Variants in LARP1B observed in about 807,000 individuals in gnomAD.
LARP1B encodes the protein La ribonucleoprotein 1B, also known as la-related protein 1B.
LARP1B carries 76 observed loss-of-function variants against 114.2 expected under a neutral mutation model. The observed-to-expected ratio is 0.67, with a 90% confidence interval of 0.55 to 0.81. The LOEUF is 0.81. LARP1B is among the 30% of genes least tolerant of loss of function. LARP1B has a pLI of 0.00. For missense variants in LARP1B, 1,014 were observed against 1,075.8 expected (o/e 0.94, Z 0.80); for synonymous variants, 345 against 348.0 (o/e 0.99, Z 0.10).
chr4:128,095,835 CTG>C (rs955208562), intron 7 of LARP1B, among the ~76,000 whole-genome samples: 1 of 152,002 alleles, frequency 6.6e-6, no homozygotes, highest in Non-Finnish European at 1.5e-5. Flanking sequence ...AAAACTTTCT[CTG>C]TGATTTGGAA....
chr4:128,108,477 A>T, intron 9 of LARP1B: 1 of 985,744 alleles, frequency 1.0e-6, no homozygotes, highest in Non-Finnish European at 1.2e-6. Flanking sequence ...TTACTCTTCA[A>T]AATGTATTTT....
chr4:128,080,272 C>G (rs926187825), intron 4 of LARP1B, among the ~76,000 whole-genome samples: 2 of 152,132 alleles, frequency 1.3e-5, no homozygotes, highest in African/African-American at 4.8e-5. Flanking sequence ...CGTGAGCCAC[C>G]ACGCCTGGCA....
At chr4:128,179,832 GA>G (rs1376355449) in intron 15 of LARP1B, among the ~76,000 whole-genome samples, 3 of 152,010 alleles carry the variant, frequency 2.0e-5, no homozygotes, top group Admixed American at 6.6e-5. Context: ...GTTCTTAGTA[GA>G]TATTTATTGA....
intron 11 of LARP1B, among the ~76,000 whole-genome samples, chr4:128,131,898 A>G (rs1012409824): frequency 6.6e-6 from 1 of 152,236 alleles, no homozygotes; most frequent in East Asian, 1.9e-4. Context: ...AATAAAGAAG[A>G]CAGATATACT....
chr4:128,135,216 A>C (rs1792972292), intron 11 of LARP1B, among the ~76,000 whole-genome samples: 1 of 152,152 alleles, frequency 6.6e-6, no homozygotes, highest in Non-Finnish European at 1.5e-5. Flanking sequence ...AAAAAATCAG[A>C]GGATTATCAC....
chr4:128,127,734 G>A (rs1179054432), intron 11 of LARP1B, among the ~76,000 whole-genome samples: 3 of 152,198 alleles, frequency 2.0e-5, no homozygotes, highest in African/African-American at 7.2e-5. Context: ...TTGGGAGGCT[G>A]AGGCAGGGGA....
intron 7 of LARP1B, 43 bp downstream of exon 7, chr4:128,091,555 G>C: frequency 6.9e-7 from 1 of 1,453,384 alleles, no homozygotes; most frequent in Non-Finnish European, 9.3e-7. Flanking sequence ...AGCAAAATCT[G>C]TTGCAATATG....
At position 128,081,077 on chromosome 4, in the gene LARP1B, CT is replaced by C. The variant is rs4000703; in HGVS notation, c.218-1070del. On this transcript the variant is annotated intron_variant, in intron 4 of 19. Coordinates refer to ENST00000326639, the MANE Select transcript of LARP1B (RefSeq NM_018078.4). ...TAAACAGGAATGTTATGTATATATA[CT>C]TTTTTTTTTTTTTTTTTGAGACAGA... is the stretch of plus-strand genomic sequence containing the variant. 3.5e-3 allele frequency among the ~76,000 whole-genome samples: 445 copies of C among 127,904 alleles called. 4 individuals are homozygous for C. The highest frequency in any genetic ancestry group is 6.5e-3 in the South Asian group (26 of 4,004). The allele number at this position is 127,904 out of a possible 152,430, so 83.9% of individuals were successfully genotyped here.
intron 9 of LARP1B, among the ~76,000 whole-genome samples, chr4:128,110,381 C>G (rs1012982156): frequency 6.6e-6 from 1 of 150,742 alleles, no homozygotes; most frequent in Admixed American, 6.6e-5. Flanking sequence ...ACCCTTAATC[C>G]GTTCAGATGT....
At chr4:128,121,463 C>T (rs1339952351) in intron 10 of LARP1B, among the ~76,000 whole-genome samples, 1 of 152,230 alleles carries the variant, frequency 6.6e-6, no homozygotes, top group Non-Finnish European at 1.5e-5. Flanking sequence ...GGGAATACAG[C>T]AATCCACAAC....
intron 11 of LARP1B, among the ~76,000 whole-genome samples, chr4:128,147,030 C>T (rs1224521293): frequency 1.3e-5 from 2 of 152,200 alleles, no homozygotes; most frequent in East Asian, 3.8e-4. Context: ...CATTGGTTCA[C>T]TCATTCATTC....
rs911582315 is a variant in LARP1B at position 128,211,323 on chromosome 4, T to G, written c.*1270T>G. 37 of 970,462 alleles carry G rather than the reference T, an allele frequency of 3.8e-5. No individual in the cohort carries two copies. The highest frequency in any genetic ancestry group is 1.1e-3 in the Middle Eastern group (2 of 1,890). The allele number at this position is 970,462 out of a possible 1,614,324, so 60.1% of individuals were successfully genotyped here. A position where few individuals can be genotyped will look rare whatever the true frequency, so the allele number is the denominator to read the frequency against. On this transcript the variant is annotated 3_prime_UTR_variant, in exon 20 of 20. Coordinates refer to ENST00000326639, the MANE Select transcript of LARP1B (RefSeq NM_018078.4). ...TTGGCAAAAGCAAGTGGTTTCCATA[T>G]GCTAAATTAATTGTATTTTCTTTTT... is the stretch of plus-strand genomic sequence containing the variant.
chr4:128,096,916 G>T (rs865882922), intron 7 of LARP1B, among the ~76,000 whole-genome samples: 5 of 149,728 alleles, frequency 3.3e-5, no homozygotes, highest in Middle Eastern at 3.8e-3. Flanking sequence ...TTTTATTATT[G>T]TTTTTAGACA....
chr4:128,062,031 C>A, intron 1 of LARP1B: 3 of 984,812 alleles, frequency 3.0e-6, no homozygotes, highest in Non-Finnish European at 3.6e-6. Flanking sequence ...CCGCCGTCGC[C>A]GTTGCCGCCG....
At chr4:128,119,674 T>C (rs1049345231) in intron 10 of LARP1B, among the ~76,000 whole-genome samples, 4 of 152,246 alleles carry the variant, frequency 2.6e-5, no homozygotes, top group African/African-American at 7.2e-5. Context: ...CAATGGCTTT[T>C]GCTTCCCCTT....
In LARP1B at chr4:128,123,922, T is replaced by C. The variant is rs17012940; in HGVS notation, c.1524+1734T>C. The stretch of plus-strand genomic sequence containing the variant: ...ATTAACGGAAAGTAATCTTGGCTTA[T>C]ATAACTTTAACCATTATAATTGCAG... On this transcript the variant is annotated intron_variant, in intron 11 of 19. Transcript: ENST00000326639. 2,921 of 154,380 alleles carry C rather than the reference T, an allele frequency of 0.019. 296 individuals are homozygous for C. The East Asian group carries it at 0.3, about 16-fold the overall frequency. 9.6% of individuals were successfully genotyped at this position (154,380 alleles called of 1,614,324 possible).
chr4:128,167,267 G>A (rs913653133), intron 12 of LARP1B, among the ~76,000 whole-genome samples: 1 of 151,820 alleles, frequency 6.6e-6, no homozygotes, highest in Admixed American at 6.6e-5. Flanking sequence ...GGGTCATATG[G>A]TAATTCTACT....
At chr4:128,126,610 A>G (rs959253473) in intron 11 of LARP1B, among the ~76,000 whole-genome samples, 3 of 152,204 alleles carry the variant, frequency 2.0e-5, no homozygotes. Flanking sequence ...AACAGATTAG[A>G]CAGAATTAGA....
chr4:128,222,249 A>G (rs1760087685), intron 7 of LARP1B: 4 of 448,856 alleles, frequency 8.9e-6, no homozygotes, highest in Non-Finnish European at 1.8e-5. Flanking sequence ...TGACAAGAGC[A>G]TGATTTCCAT....
Sources: allele counts gnomAD v4.1 joint callset (sites outside exome capture counted in the v4.1 genomes callset), GRCh38; gene constraint gnomAD v4.1.1; transcripts MANE v1.5; gene names NCBI Gene and HGNC (gene_info 2026-07-23, HGNC 2026-07-21).